ENOX1: variants seen among roughly 807,000 people sequenced by gnomAD.
The protein encoded by ENOX1 is ecto-NOX disulfide-thiol exchanger 1.
A neutral mutation model predicts 82.5 loss-of-function variants in ENOX1; 42 were observed. The ratio of observed to expected loss-of-function variants is 0.51; its 90% CI spans 0.40 to 0.66. The LOEUF is 0.66. Among genes scored for constraint, ENOX1 ranks in the 30% least tolerant of loss-of-function variants. The probability of loss-of-function intolerance (pLI) is 0.00; values close to 1 mark genes in which losing one functional copy is unlikely to be tolerated. For missense variants in ENOX1, 608 were observed against 811.6 expected (o/e 0.75, Z 3.05); for synonymous variants, 271 against 282.2 (o/e 0.96, Z 0.40).
intron 1 of ENOX1, among the ~76,000 whole-genome samples, chr13:43,718,720 A>G: frequency 6.7e-6 from 1 of 149,340 alleles, no homozygotes; most frequent in South Asian, 2.1e-4. Flanking sequence ...TTAGAATCAT[A>G]ATAAAGCTGT....
intron 9 of ENOX1, among the ~76,000 whole-genome samples, chr13:43,339,867 G>T (rs1566551344): frequency 6.6e-6 from 1 of 152,188 alleles, no homozygotes; most frequent in Non-Finnish European, 1.5e-5. Context: ...TGTGGTATTT[G>T]CCAGGAATAT....
chr13:43,279,695 G>A (rs752022128), intron 12 of ENOX1, among the ~76,000 whole-genome samples: 16 of 152,168 alleles, frequency 1.1e-4, no homozygotes, highest in Admixed American at 7.2e-4. Context: ...AAAGGTGCCC[G>A]CTGAGTTAAA....
chr13:43,500,041 T>C (rs1159153394), intron 2 of ENOX1, among the ~76,000 whole-genome samples: 1 of 151,984 alleles, frequency 6.6e-6, no homozygotes, highest in African/African-American at 2.4e-5. Context: ...GAAAGAAAAG[T>C]GTGAGGAAAT....
rs773137670 is a variant in ENOX1, at chr13:43,298,483, G to A, written c.1309C>T (p.Arg437Cys). 1.9e-5 allele frequency: 31 copies of A among 1,613,768 alleles called. No individual in the cohort carries two copies. The highest frequency in any genetic ancestry group is 2.5e-5 in the Non-Finnish European group (29 of 1,179,982). The change falls in exon 12 of 17, where the codon CGC (arginine) becomes TGC (cysteine). Residue 437 changes from arginine (R) to cysteine (C), a missense_variant. Transcript: ENST00000690772. ...YALKEENDSL[R>C]WQLDAYRNEV... Reference sequence around the variant, plus strand: ...TTCCTGTAGGCATCCAGCTGCCAGCGGAGACTGTCATTCTCCTCTTTCAGA... The same window carrying A: ...TTCCTGTAGGCATCCAGCTGCCAGCAGAGACTGTCATTCTCCTCTTTCAGA...
At chr13:43,402,293 T>C (rs1239237760) in intron 5 of ENOX1, among the ~76,000 whole-genome samples, 1 of 152,206 alleles carries the variant, frequency 6.6e-6, no homozygotes, top group Non-Finnish European at 1.5e-5. Context: ...CTGGAGGTCA[T>C]AGTTACTCTT....
chr13:43,251,381 C>T (rs2043445927), intron 14 of ENOX1, among the ~76,000 whole-genome samples: 2 of 152,218 alleles, frequency 1.3e-5, no homozygotes, highest in Admixed American at 1.3e-4. Flanking sequence ...GAGGCTGCTG[C>T]ACTTCCATCA....
At chr13:43,603,694 A>G (rs1296108090) in intron 2 of ENOX1, among the ~76,000 whole-genome samples, 1 of 132,496 alleles carries the variant, frequency 7.5e-6, no homozygotes. Context: ...AATTTCATCC[A>G]TGTCCCTACA....
intron 5 of ENOX1, among the ~76,000 whole-genome samples, chr13:43,407,937 GGTAA>G (rs1232557803): frequency 6.6e-6 from 1 of 152,242 alleles, no homozygotes; most frequent in Admixed American, 6.5e-5. Flanking sequence ...CAATAATGGA[GGTAA>G]GTATCATCTC....
At chr13:43,227,683 G>C (rs1408245949) in intron 15 of ENOX1, among the ~76,000 whole-genome samples, 1 of 152,178 alleles carries the variant, frequency 6.6e-6, no homozygotes, top group Admixed American at 6.5e-5. Context: ...AATCAGATTA[G>C]AAGTCCTGAC....
intron 5 of ENOX1, among the ~76,000 whole-genome samples, chr13:43,370,641 A>G (rs1273470699): frequency 6.6e-6 from 1 of 152,170 alleles, no homozygotes; most frequent in Non-Finnish European, 1.5e-5. Flanking sequence ...TACTCCTGTT[A>G]GACACTTTTG....
rs143282909 is a variant in ENOX1, at chr13:43,437,531, G to A, written c.-74-24543C>T. Among the ~76,000 whole-genome samples the A allele has an allele frequency of 1.1e-3, 162 of 152,292 alleles. 4 individuals carry two copies. The East Asian group carries it at 0.027, about 25-fold the overall frequency. The stretch of plus-strand genomic sequence containing the variant: ...ACTACCGGAATTCCAAAGAGTTGGT[G>A]CCAGTTTTAGAATGACAACTTACTA... On this transcript the variant is annotated intron_variant, in intron 3 of 16. Coordinates refer to ENST00000690772, the MANE Select transcript of ENOX1 (RefSeq NM_001347969.2).
At chr13:43,294,763 T>C (rs67296644) in intron 12 of ENOX1, among the ~76,000 whole-genome samples, 51,403 of 152,074 alleles carry the variant, frequency 0.34, 8,856 homozygotes, top group South Asian at 0.52. Context: ...AAACCACAGC[T>C]CTTTCTTACG....
chr13:43,601,514 A>G (rs1410017771), intron 2 of ENOX1, among the ~76,000 whole-genome samples: 1 of 152,060 alleles, frequency 6.6e-6, no homozygotes, highest in African/African-American at 2.4e-5. Context: ...AAAAGAATCG[A>G]AAAGAATGAA....
intron 3 of ENOX1, among the ~76,000 whole-genome samples, chr13:43,448,811 C>T (rs78026243): frequency 3.3e-5 from 5 of 152,168 alleles, no homozygotes; most frequent in East Asian, 1.9e-4. Context: ...TAACTCAGAG[C>T]GGCATCGCCA....
At chr13:43,286,741 G>C (rs192044549) in intron 12 of ENOX1, among the ~76,000 whole-genome samples, 1 of 152,162 alleles carries the variant, frequency 6.6e-6, no homozygotes, top group African/African-American at 2.4e-5. Context: ...CCCCTTCCCA[G>C]AAGTGAATTC....
intron 11 of ENOX1, among the ~76,000 whole-genome samples, chr13:43,317,930 G>T (rs563557746): frequency 6.6e-5 from 10 of 151,930 alleles, no homozygotes; most frequent in Admixed American, 6.5e-4. Flanking sequence ...GCGTGAACCC[G>T]GGAGGCAGAG....
At chr13:43,416,659 G>A (rs866267776) in intron 3 of ENOX1, among the ~76,000 whole-genome samples, 13 of 145,304 alleles carry the variant, frequency 8.9e-5, no homozygotes, top group African/African-American at 3.1e-4. Context: ...GGGTGGTGGC[G>A]GGGCAGAGGC....
chr13:43,618,226 T>C (rs2153744367), intron 2 of ENOX1, among the ~76,000 whole-genome samples: 1 of 152,286 alleles, frequency 6.6e-6, no homozygotes, highest in South Asian at 2.1e-4. Flanking sequence ...GTTCCTTTTG[T>C]CATGCAAAAG....
chr13:43,669,098 G>A (rs1291806276), intron 1 of ENOX1, among the ~76,000 whole-genome samples: 2 of 152,186 alleles, frequency 1.3e-5, no homozygotes, highest in Non-Finnish European at 2.9e-5. Context: ...CTGCAAGGGG[G>A]CAGGAATAGC....
Sources: allele counts gnomAD v4.1 joint callset (sites outside exome capture counted in the v4.1 genomes callset), GRCh38; gene constraint gnomAD v4.1.1; transcripts MANE v1.5; gene names NCBI Gene and HGNC (gene_info 2026-07-23, HGNC 2026-07-21).